The following PHF24 variants were observed in gnomAD, a reference collection of about 807,000 sequenced individuals.
PHF24 encodes the protein PHD finger protein 24, also known as Galpha inhibitory interacting protein.
In PHF24, 25 loss-of-function variants were observed where a neutral mutation model predicts 42.6. The ratio of observed to expected loss-of-function variants is 0.59; its 90% CI spans 0.43 to 0.82. PHF24 has a LOEUF of 0.82. Among genes scored for constraint, PHF24 ranks in the 40% least tolerant of loss-of-function variants. The pLI, the probability that PHF24 is intolerant of heterozygous loss-of-function variation, is 0.00. For missense variants in PHF24, 470 were observed against 538.1 expected (o/e 0.87, Z 1.25); for synonymous variants, 185 against 204.8 (o/e 0.90, Z 0.83).
the PHF24 span, among the ~76,000 whole-genome samples, chr9:34,759,184 C>T: frequency 6.6e-6 from 1 of 152,126 alleles, no homozygotes; most frequent in Non-Finnish European, 1.5e-5. Context: ...ATCTTAGAAC[C>T]TTAAAGGACT....
At chr9:34,710,205 CCTT>C in the PHF24 span, 1 of 684,434 alleles carries the variant, frequency 1.5e-6, no homozygotes, top group Admixed American at 2.8e-5. Flanking sequence ...TATCCCCACT[CCTT>C]TTCCTTCCTG....
chr9:34,832,765 G>A, the PHF24 span: 12 of 1,550,516 alleles, frequency 7.7e-6, no homozygotes, highest in Non-Finnish European at 1.0e-5. Flanking sequence ...CCCTGCAAAG[G>A]CTTAGCCTGA....
At chr9:34,713,463 T>TTCTGAAA in the PHF24 span, among the ~76,000 whole-genome samples, 1 of 152,080 alleles carries the variant, frequency 6.6e-6, no homozygotes, top group Non-Finnish European at 1.5e-5. Context: ...TTATGCTCTC[T>TTCTGAAA]TCTGAAAGAC....
chr9:34,755,656 T>C, the PHF24 span, among the ~76,000 whole-genome samples: 1 of 152,002 alleles, frequency 6.6e-6, no homozygotes, highest in Non-Finnish European at 1.5e-5. Flanking sequence ...TTAATTTTAT[T>C]ATTTTTAGAG....
chr9:34,669,336 T>C, the PHF24 span, among the ~76,000 whole-genome samples: 1 of 152,024 alleles, frequency 6.6e-6, no homozygotes, highest in Admixed American at 6.6e-5. Flanking sequence ...CATTGATCCC[T>C]GCCATGCCCC....
chr9:34,666,012 A>G, the PHF24 span: 1 of 353,818 alleles, frequency 2.8e-6, no homozygotes, highest in Non-Finnish European at 5.2e-6. Context: ...AGCGCAGCCT[A>G]AACTCCCGCC....
At chr9:34,717,170 G>T in the PHF24 span, among the ~76,000 whole-genome samples, 13 of 152,068 alleles carry the variant, frequency 8.5e-5, no homozygotes. Context: ...TATCTGTCTG[G>T]GTACAGTTGT....
the PHF24 span, among the ~76,000 whole-genome samples, chr9:34,847,931 TG>T: frequency 6.6e-6 from 1 of 152,242 alleles, no homozygotes; most frequent in Non-Finnish European, 1.5e-5. Flanking sequence ...GAACCACTCT[TG>T]CATCCCAGTG....
chr9:34,878,938 C>T, the PHF24 span, among the ~76,000 whole-genome samples: 1 of 152,114 alleles, frequency 6.6e-6, no homozygotes, highest in Non-Finnish European at 1.5e-5. Context: ...CCCCAGTAGC[C>T]TAACTGGGAG....
At chr9:34,688,035 T>C in the PHF24 span, among the ~76,000 whole-genome samples, 1 of 152,132 alleles carries the variant, frequency 6.6e-6, no homozygotes, top group Non-Finnish European at 1.5e-5. Flanking sequence ...CCACCTGGTA[T>C]TCCAGGTGAT....
chr9:34,832,615 C>A, the PHF24 span: 1 of 1,542,972 alleles, frequency 6.5e-7, no homozygotes. Context: ...TCCTTGTGCC[C>A]TTTGCCTTTT....
chr9:34,926,024 A>G, the PHF24 span, among the ~76,000 whole-genome samples: 1 of 152,226 alleles, frequency 6.6e-6, no homozygotes, highest in Non-Finnish European at 1.5e-5. The surrounding 1 kb of genome is among the most constrained non-coding windows in gnomAD (Gnocchi z 4.3). Flanking sequence ...ACAGTAGTGT[A>G]ATGTAACCTC....
the PHF24 span, among the ~76,000 whole-genome samples, chr9:34,706,128 G>A: frequency 4.6e-5 from 7 of 152,066 alleles, no homozygotes; most frequent in African/African-American, 1.7e-4. Flanking sequence ...TGTCTGCAGA[G>A]AACATTTATA....
chr9:34,809,045 A>T, the PHF24 span, among the ~76,000 whole-genome samples: 56,232 of 143,192 alleles, frequency 0.39, 11,398 homozygotes, highest in East Asian at 0.59. The surrounding 1 kb of genome is among the most constrained non-coding windows in gnomAD (Gnocchi z 4.1). Flanking sequence ...AATAAAAAAA[A>T]AAAATAATAA....
At chr9:34,945,397 G>T in the PHF24 span, among the ~76,000 whole-genome samples, 1 of 152,208 alleles carries the variant, frequency 6.6e-6, no homozygotes, top group Non-Finnish European at 1.5e-5. Flanking sequence ...GGGAATCAGA[G>T]AAGGCTGGGA....
chr9:34,728,257 T>C, the PHF24 span, among the ~76,000 whole-genome samples: 1 of 152,196 alleles, frequency 6.6e-6, no homozygotes, highest in Non-Finnish European at 1.5e-5. Context: ...CCATATCTAA[T>C]TTCATTTGAT....
At chr9:34,740,468 C>T in the PHF24 span, among the ~76,000 whole-genome samples, 7 of 152,254 alleles carry the variant, frequency 4.6e-5, no homozygotes, top group Admixed American at 1.3e-4. Context: ...CCTCCACAGC[C>T]GCTGGCCTGG....
the PHF24 span, among the ~76,000 whole-genome samples, chr9:34,778,863 G>T: frequency 6.6e-6 from 1 of 151,938 alleles, no homozygotes; most frequent in Non-Finnish European, 1.5e-5. Flanking sequence ...CCATTTGCTA[G>T]GTCATAAAAA....
chr9:34,694,450 C>T, the PHF24 span, among the ~76,000 whole-genome samples: 1 of 152,036 alleles, frequency 6.6e-6, no homozygotes, highest in Admixed American at 6.6e-5. Flanking sequence ...GCTGCCTCAG[C>T]CTCCTGAGTA....
Sources: gnomAD v4.1 joint callset for allele counts (sites outside exome capture counted in the v4.1 genomes callset) on GRCh38, gnomAD v4.1.1 for gene constraint, Gnocchi (gnomAD v3.1) non-coding constraint, MANE v1.5 for transcripts, NCBI Gene and HGNC (gene_info 2026-07-23, HGNC 2026-07-21) for gene names.